CCDC146: variants seen among roughly 807,000 people sequenced by gnomAD.
The protein encoded by CCDC146 is coiled-coil domain containing 146, also known as coiled-coil domain-containing protein 146.
Under a neutral mutation model 119.3 loss-of-function variants are expected in CCDC146, and 92 were observed. The observed-to-expected ratio is 0.77, with a 90% CI of 0.65 to 0.92. CCDC146 has a LOEUF of 0.92. Ranked by LOEUF, CCDC146 falls within the 40% of genes least tolerant of loss-of-function variation. The probability of loss-of-function intolerance (pLI) is 0.00; values close to 1 mark genes in which losing one functional copy is unlikely to be tolerated. For missense variants in CCDC146, 1,000 were observed against 1,103.0 expected (o/e 0.91, Z 1.32); for synonymous variants, 372 against 371.8 (o/e 1.00, Z -0.01).
chr7:77,151,447 C>CTTTA (rs578186034), intron 1 of CCDC146, among the ~76,000 whole-genome samples: 5 of 151,962 alleles, frequency 3.3e-5, no homozygotes, highest in Non-Finnish European at 5.9e-5. Context: ...AAATTTTTAA[C>CTTTA]TTTATTTATT....
At chr7:77,268,927 A>T (rs983624236) in intron 9 of CCDC146, among the ~76,000 whole-genome samples, 1 of 152,124 alleles carries the variant, frequency 6.6e-6, no homozygotes, top group African/African-American at 2.4e-5. Flanking sequence ...AGGATCTCTT[A>T]CTTGCCTCCA....
chr7:77,212,950 A>ATTTT (rs5885013), intron 2 of CCDC146, among the ~76,000 whole-genome samples: 24 of 111,266 alleles, frequency 2.2e-4, no homozygotes, highest in African/African-American at 8.3e-4. Flanking sequence ...GGTCACATTA[A>ATTTT]TTTTTTTTTT....
At chr7:77,213,941 G>T (rs1429313012) in intron 2 of CCDC146, among the ~76,000 whole-genome samples, 3 of 152,172 alleles carry the variant, frequency 2.0e-5, no homozygotes, top group Non-Finnish European at 4.4e-5. Context: ...GAGTGCAGGT[G>T]TCTTTTTGAT....
intron 2 of CCDC146, among the ~76,000 whole-genome samples, chr7:77,168,593 AT>A (rs1247434810): frequency 6.6e-6 from 1 of 152,126 alleles, no homozygotes; most frequent in African/African-American, 2.4e-5. Flanking sequence ...ACAGAATGCA[AT>A]AAAAAAGTAA....
chr7:77,265,798 A>T (rs1017345052), intron 9 of CCDC146, among the ~76,000 whole-genome samples: 2 of 152,258 alleles, frequency 1.3e-5, no homozygotes, highest in Admixed American at 6.5e-5. Context: ...CAAAGGCATC[A>T]TCACTTCCTG....
Position 77,280,561 on chromosome 7 carries a change from T to C in CCDC146, c.1827T>C (p.Ile609=), listed in dbSNP as rs200811053. The part of the protein sequence containing the change: ...KEKKEAQLNN[I]DRLANTITMI... ...AGAAGGAAGCCCAGTTAAATAACAT[T>C]GACAGACTTGCCAACACGATCACAA... The change falls in exon 14 of 19, where the codon ATT becomes ATC. Residue 609 remains isoleucine, a synonymous_variant. Transcript: ENST00000285871. 8.1e-6 allele frequency: 13 copies of C among 1,614,078 alleles called. No individual in the cohort carries two copies. In the African/African-American group the frequency reaches 1.3e-4, roughly 17 times the overall value.
At position 77,282,620 on chromosome 7, in the gene CCDC146, A is replaced by T; in HGVS notation, c.1983A>T (p.Gln661His). ...TTTTTTATGAAAAAATAAATATCCA[A>T]GAGAAGATGAAACTAAATGGAGAAA... ...ICIFYEKINI[Q>H]EKMKLNGEIE... The change falls in exon 15 of 19, where the codon CAA becomes CAT. Residue 661 changes from glutamine to histidine, a missense_variant. By Grantham distance (24) the Gln-to-His change is conservative. Transcript: ENST00000285871. The T allele has an allele frequency of 6.2e-7, 1 of 1,613,282 alleles. No homozygotes were observed. The highest frequency in any genetic ancestry group is 8.5e-7 in the Non-Finnish European group (1 of 1,179,364).
At chr7:77,183,495 C>G (rs1158275720) in intron 2 of CCDC146, among the ~76,000 whole-genome samples, 10 of 152,182 alleles carry the variant, frequency 6.6e-5, no homozygotes, top group African/African-American at 2.4e-4. Context: ...TTCTCCCATG[C>G]TCCAGCCAAA....
In CCDC146 at chr7:77,273,681, T is replaced by G; in HGVS notation, c.1174-13T>G. The G allele has an allele frequency of 6.3e-7, 1 of 1,589,710 alleles. No individual in the cohort carries two copies. Among genetic ancestry groups the G allele is most frequent in the Middle Eastern group, 1.7e-4 (1 of 5,984 alleles). On this transcript the variant is annotated splice_polypyrimidine_tract_variant and intron_variant, in intron 9 of 18. Transcript: ENST00000285871. ...TCTTACATAAATGCATGTTTTTAAA[T>G]TTTGATTTCCAGATGGAAGCTATCC... is the stretch of plus-strand genomic sequence containing the variant.
At chr7:77,142,778 T>C (rs1196866883) in intron 1 of CCDC146, among the ~76,000 whole-genome samples, 1 of 151,788 alleles carries the variant, frequency 6.6e-6, no homozygotes, top group Non-Finnish European at 1.5e-5. Flanking sequence ...TATTCCATGG[T>C]GTATATGTGC....
intron 4 of CCDC146, among the ~76,000 whole-genome samples, chr7:77,249,523 T>C (rs1793018507): frequency 6.6e-6 from 1 of 151,892 alleles, no homozygotes; most frequent in African/African-American, 2.4e-5. Flanking sequence ...CATTAGGTCT[T>C]CTCAGAGGAT....
rs756285196 is a variant in CCDC146 at position 77,217,562 on chromosome 7, T to TATAG, written c.157-19384_157-19383insTAGA. Among the ~76,000 whole-genome samples the TATAG allele has an allele frequency of 2.3e-3, 333 of 147,288 alleles. 1 individual carries two copies. The highest frequency in any genetic ancestry group is 7.8e-3 in the African/African-American group (314 of 40,174). ...TTAACTATATATACATATATATATATAGAGAGAGAGAGAGAGAGTTATATA... is the reference window on the plus strand; with the variant it reads ...TTAACTATATATACATATATATATATATAGAGAGAGAGAGAGAGAGAGTTATATA... On this transcript the variant is annotated intron_variant, in intron 2 of 18. Transcript: ENST00000285871.
chr7:77,234,798 T>A (rs1584097669), intron 2 of CCDC146, among the ~76,000 whole-genome samples: 1 of 152,126 alleles, frequency 6.6e-6, no homozygotes. Context: ...TTTTAAGATA[T>A]TTGATACAGG....
intron 5 of CCDC146, among the ~76,000 whole-genome samples, 185 bp downstream of exon 5, chr7:77,254,748 T>TA (rs1793145550): frequency 6.6e-6 from 1 of 152,198 alleles, no homozygotes; most frequent in Admixed American, 6.5e-5. Flanking sequence ...TGATGCCTAT[T>TA]ATAGACTTTA....
intron 3 of CCDC146, among the ~76,000 whole-genome samples, chr7:77,238,457 C>T (rs1792780673): frequency 6.6e-6 from 1 of 152,050 alleles, no homozygotes; most frequent in South Asian, 2.1e-4. Flanking sequence ...CCCTCTGTCA[C>T]CCAGGCTGGA....
intron 2 of CCDC146, among the ~76,000 whole-genome samples, chr7:77,190,338 C>T (rs1247074189): frequency 1.3e-5 from 2 of 152,320 alleles, no homozygotes; most frequent in African/African-American, 2.4e-5. Context: ...TTGTTTCTTC[C>T]TTAATCAGGC....
chr7:77,280,322 C>A, intron 13 of CCDC146, 107 bp from the exon 14 acceptor site: 1 of 821,608 alleles, frequency 1.2e-6, no homozygotes, highest in Non-Finnish European at 1.9e-6. Context: ...AAGGGCTACA[C>A]TAAAGCAAGG....
At chr7:77,146,905 G>A (rs544259343) in intron 1 of CCDC146, among the ~76,000 whole-genome samples, 2 of 152,156 alleles carry the variant, frequency 1.3e-5, no homozygotes, top group African/African-American at 2.4e-5. Flanking sequence ...TGCTCCTCTC[G>A]AGGAGTATCT....
chr7:77,239,422 C>T (rs970854308), intron 3 of CCDC146, among the ~76,000 whole-genome samples: 2 of 152,336 alleles, frequency 1.3e-5, no homozygotes, highest in South Asian at 2.1e-4. Flanking sequence ...ATGCCTGGAA[C>T]GTGTTATGTC....
Sources: allele counts gnomAD v4.1 joint callset (sites outside exome capture counted in the v4.1 genomes callset), GRCh38; gene constraint gnomAD v4.1.1; transcripts MANE v1.5; gene names NCBI Gene and HGNC (gene_info 2026-07-23, HGNC 2026-07-21).